Variants in SLC9A8 observed in about 807,000 individuals in gnomAD.
The protein encoded by SLC9A8 is solute carrier family 9 member A8.
SLC9A8 carries 48 observed loss-of-function variants against 66.6 expected under a neutral mutation model. That is an observed-to-expected ratio of 0.72 (90% CI 0.57 to 0.92). SLC9A8 has a LOEUF of 0.92. Among genes scored for constraint, SLC9A8 ranks in the 40% least tolerant of loss-of-function variants. The pLI, the probability that SLC9A8 is intolerant of heterozygous loss-of-function variation, is 0.00. For synonymous variants in SLC9A8, 274 were observed against 282.6 expected (o/e 0.97, Z 0.31); for missense variants, 599 against 747.3 (o/e 0.80, Z 2.31).
In SLC9A8 at chr20:49,855,567, C is replaced by T; in HGVS notation, c.699C>T (p.Ser233=). 1 of 1,614,180 alleles carries T rather than the reference C, an allele frequency of 6.2e-7. No homozygotes were observed. The highest frequency in any genetic ancestry group is 8.5e-7 in the Non-Finnish European group (1 of 1,180,006). ...AAAGTATTCTCAACGATGCAGTCTC[C>T]ATTGTTCTGACCAAGTAAGTACGGG... ...FGESILNDAV[S]IVLTNTAEGL... The change falls in exon 8 of 16, where the codon TCC becomes TCT. Residue 233 remains serine, a synonymous_variant. Transcript: ENST00000361573.
chr20:49,888,058 G>T lies in SLC9A8; in HGVS notation c.*122G>T. ...AGCCCCTTCAAGACATAAGAGGGCG[G>T]GGCGAGGTACTGGCTGCAGAGTCGC... On this transcript the variant is annotated 3_prime_UTR_variant, in exon 16 of 16. Transcript: ENST00000361573. The T allele has an allele frequency of 2.6e-6, 2 of 756,874 alleles. No individual in the cohort carries two copies. The highest frequency in any genetic ancestry group is 4.4e-6 in the Non-Finnish European group (2 of 449,962). 46.9% of individuals were successfully genotyped at this position (756,874 alleles called of 1,614,324 possible).
chr20:49,842,250 A>G (rs1465909579), intron 4 of SLC9A8, among the ~76,000 whole-genome samples: 2 of 147,914 alleles, frequency 1.4e-5, no homozygotes, highest in African/African-American at 5.0e-5. Flanking sequence ...TTGTATTTTT[A>G]GTAGAGATGG....
chr20:49,813,262 C>T lies in SLC9A8; in HGVS notation c.26+314C>T, dbSNP rs73269171. ...GGTAATCTCATGGTTACTGAGCCCT[C>T]TTCCGCCTCCTCCAGGAAGTCGTCC... On this transcript the variant is annotated intron_variant, in intron 1 of 15. Transcript: ENST00000361573. 7.3e-3 allele frequency among the ~76,000 whole-genome samples: 1,117 copies of T among 152,366 alleles called. 21 individuals are homozygous for T. Among genetic ancestry groups the T allele is most frequent in the African/African-American group, 0.025 (1,035 of 41,584 alleles).
intron 8 of SLC9A8, among the ~76,000 whole-genome samples, chr20:49,860,835 C>T (rs1568850782): frequency 2.0e-5 from 3 of 152,218 alleles, no homozygotes; most frequent in Admixed American, 1.3e-4. Flanking sequence ...AAGGTATTGA[C>T]TGTCTTTTGT....
rs754608210 is a variant in SLC9A8 at position 49,883,845 on chromosome 20, G to A, written c.1271-1G>A. On this transcript the variant is annotated splice_acceptor_variant, in intron 13 of 15. Transcript: ENST00000361573. LOFTEE classifies it high-confidence loss of function. ...CTCTCACACTGTTTGCTGTCACCCA[G>A]GCCTGCGGGGAGCCATCCCCTATGC... is the stretch of plus-strand genomic sequence containing the variant. 8 of 1,604,048 alleles carry A rather than the reference G, an allele frequency of 5.0e-6. No individual in the cohort carries two copies. The South Asian group carries it at 8.8e-5, about 18-fold the overall frequency.
rs1488034277 is a variant in SLC9A8 at position 49,880,944 on chromosome 20, A to G, written c.1179A>G (p.Arg393=). Residue 393 remains arginine (R), a synonymous_variant, in exon 13 of 16, where the codon AGA becomes AGG. Coordinates refer to ENST00000361573, the MANE Select transcript of SLC9A8 (RefSeq NM_015266.3). The stretch of plus-strand genomic sequence containing the variant: ...AACAGGTGCTTGTACTATTTGGCAG[A>G]GCGGTAAACATTTTCCCTCTTTCCT... ...IWCIVLVLFG[R]AVNIFPLSYL... 1 of 1,613,270 alleles carries G rather than the reference A, an allele frequency of 6.2e-7. No individual in the cohort carries two copies. Among genetic ancestry groups the G allele is most frequent in the Admixed American group, 1.7e-5 (1 of 60,016 alleles).
At chr20:49,817,965 G>A (rs141664041) in intron 2 of SLC9A8, among the ~76,000 whole-genome samples, 15 of 152,000 alleles carry the variant, frequency 9.9e-5, no homozygotes, top group African/African-American at 3.4e-4. Context: ...GGATTAAGGA[G>A]TATTATTAAT....
At chr20:49,856,945 T>C (rs2088517476) in intron 8 of SLC9A8, among the ~76,000 whole-genome samples, 1 of 152,148 alleles carries the variant, frequency 6.6e-6, no homozygotes, top group Non-Finnish European at 1.5e-5. Context: ...CAAGACCCTG[T>C]CTCAAAAACA....
intron 14 of SLC9A8, among the ~76,000 whole-genome samples, chr20:49,884,333 CACACCCCCCG>C (rs1479362161): frequency 7.5e-5 from 10 of 133,974 alleles, no homozygotes; most frequent in African/African-American, 2.7e-4. Context: ...CACACACACA[CACACCCCCCG>C]GTCATCCCCC....
chr20:49,834,382 T>TAC (rs1434014617), intron 3 of SLC9A8, among the ~76,000 whole-genome samples: 1 of 44,682 alleles, frequency 2.2e-5, no homozygotes, highest in Non-Finnish European at 4.0e-5. Flanking sequence ...TATATATATA[T>TAC]ACTGTGTATA....
intron 4 of SLC9A8, among the ~76,000 whole-genome samples, chr20:49,844,367 T>C (rs1158529114): frequency 6.6e-6 from 1 of 152,158 alleles, no homozygotes; most frequent in Admixed American, 6.6e-5. Context: ...ATTTGTGGAG[T>C]TGTTTTTGAA....
At chr20:49,859,370 T>C (rs1324667576) in intron 8 of SLC9A8, among the ~76,000 whole-genome samples, 1 of 152,078 alleles carries the variant, frequency 6.6e-6, no homozygotes, top group African/African-American at 2.4e-5. Flanking sequence ...ATGAAGGATA[T>C]GAGGAAGGCT....
At chr20:49,873,954 C>T (rs1194830802) in intron 10 of SLC9A8, among the ~76,000 whole-genome samples, 1 of 151,564 alleles carries the variant, frequency 6.6e-6, no homozygotes, top group African/African-American at 2.4e-5. Flanking sequence ...GTTCCTTATA[C>T]AAACGGTGCA....
chr20:49,842,496 A>T (rs757699520), intron 4 of SLC9A8, among the ~76,000 whole-genome samples: 1 of 152,224 alleles, frequency 6.6e-6, no homozygotes, highest in Non-Finnish European at 1.5e-5. Context: ...GCTCTCTGTC[A>T]AGGGAGATCA....
In SLC9A8 at chr20:49,892,194, G is replaced by C. The variant is rs1057297682; in HGVS notation, c.*4258G>C. ...GTCAGGAATAGATGTATGAACAGTCGTGTCACTGGATGCCTATTTAGAAAT... is the reference window on the plus strand; with the variant it reads ...GTCAGGAATAGATGTATGAACAGTCCTGTCACTGGATGCCTATTTAGAAAT... On this transcript the variant is annotated 3_prime_UTR_variant, in exon 16 of 16. Transcript: ENST00000361573. 7 of 152,210 alleles carry C rather than the reference G, an allele frequency of 4.6e-5. No homozygotes were observed. Among genetic ancestry groups the C allele is most frequent in the African/African-American group, 1.7e-4 (7 of 41,450 alleles). 9.4% of individuals were successfully genotyped at this position (152,210 alleles called of 1,614,324 possible).
intron 3 of SLC9A8, chr20:49,829,946 G>A: frequency 1.7e-6 from 1 of 591,828 alleles, no homozygotes; most frequent in Non-Finnish European, 3.4e-6. Flanking sequence ...CCAGAAGCGG[G>A]GTCAGCCCCC....
chr20:49,887,993 G>A lies in SLC9A8; in HGVS notation c.*57G>A. 7.3e-7 allele frequency: 1 copy of A among 1,373,662 alleles called. No individual in the cohort carries two copies. The highest frequency in any genetic ancestry group is 1.0e-6 in the Non-Finnish European group (1 of 963,656). The allele number at this position is 1,373,662 out of a possible 1,614,324, so 85.1% of individuals were successfully genotyped here. On this transcript the variant is annotated 3_prime_UTR_variant, in exon 16 of 16. Transcript: ENST00000361573. Reference sequence around the variant, plus strand: ...CCAGGATGGGCGTTTGCTGCGCACAGACACTCAGCAGGGGCCTCGCAGAGA... The same window carrying A: ...CCAGGATGGGCGTTTGCTGCGCACAAACACTCAGCAGGGGCCTCGCAGAGA...
chr20:49,867,597 T>G lies in SLC9A8; in HGVS notation c.958+2753T>G, dbSNP rs551792574. 2.0e-5 allele frequency among the ~76,000 whole-genome samples: 3 copies of G among 152,324 alleles called. No individual in the cohort carries two copies. In the East Asian group the frequency reaches 5.8e-4, roughly 29 times the overall value. On this transcript the variant is annotated intron_variant, in intron 10 of 15. Transcript: ENST00000361573. ...AGTAGATGTCCAAGAGCTCTCTTTC[T>G]GTGCAGCTTCCCCGACTCAACAGGA...
intron 10 of SLC9A8, among the ~76,000 whole-genome samples, chr20:49,865,295 A>T (rs565181344): frequency 6.6e-6 from 1 of 151,918 alleles, no homozygotes; most frequent in East Asian, 1.9e-4. Context: ...CTCTAATACA[A>T]CTCCCTCCAA....
Sources: gnomAD v4.1 joint callset for allele counts (sites outside exome capture counted in the v4.1 genomes callset) on GRCh38, gnomAD v4.1.1 for gene constraint, MANE v1.5 for transcripts, NCBI Gene and HGNC (gene_info 2026-07-23, HGNC 2026-07-21) for gene names.